Variants in SLC18A1 observed in about 807,000 individuals in gnomAD.
SLC18A1 encodes the protein chromaffin granule amine transporter.
A neutral mutation model predicts 53.7 loss-of-function variants in SLC18A1; 69 were observed. That is an observed-to-expected ratio of 1.28 (90% CI 1.06 to 1.57). The LOEUF (loss-of-function observed/expected upper bound fraction) is 1.57, where lower values mean the gene tolerates loss of function less well. SLC18A1 is among the 40% of genes most tolerant of loss of function. SLC18A1 has a pLI of 0.00. For missense variants in SLC18A1, 932 were observed against 668.1 expected, an observed-to-expected ratio of 1.40 and a Z score of -4.35; for synonymous variants, 320 against 248.1, an observed-to-expected ratio of 1.29 and a Z score of -2.72.
intron 3 of SLC18A1, 42 bp from the exon 4 acceptor site, chr8:20,178,535 G>A (rs1485551963): frequency 7.0e-7 from 1 of 1,426,228 alleles, no homozygotes; most frequent in Non-Finnish European, 9.7e-7. Context: ...ATTCCAACAG[G>A]CACTCACATA....
intron 10 of SLC18A1, among the ~76,000 whole-genome samples, chr8:20,155,923 A>G (rs1488428680): frequency 1.3e-5 from 2 of 152,124 alleles, no homozygotes; most frequent in Non-Finnish European, 2.9e-5. Context: ...AAGGGCCACA[A>G]GTTTGTAAAT....
rs754384781 is a variant in SLC18A1 at position 20,180,823 on chromosome 8, A to G, written c.124+18T>C. On this transcript the variant is annotated intron_variant, in intron 2 of 15. Coordinates refer to ENST00000276373, the MANE Select transcript of SLC18A1 (RefSeq NM_003053.4). ...CCCACAGCAAATTAACCCTCAGCAC[A>G]AAGACCCACAAACGTACCCACCACA... 6.2e-7 allele frequency: 1 copy of G among 1,613,442 alleles called. No homozygotes were observed. Among genetic ancestry groups the G allele is most frequent in the Non-Finnish European group, 8.5e-7 (1 of 1,179,606 alleles).
At chr8:20,172,996 C>T (rs1345391914) in intron 6 of SLC18A1, 40 bp downstream of exon 6, 2 of 1,417,446 alleles carry the variant, frequency 1.4e-6, no homozygotes, top group East Asian at 4.9e-5. Context: ...TCCTAGAGTC[C>T]CACCCTCCCG....
intron 12 of SLC18A1, chr8:20,148,394 C>T: frequency 8.5e-7 from 1 of 1,175,966 alleles, no homozygotes; most frequent in South Asian, 1.3e-5. Context: ...TACTTTCTCC[C>T]CTTCCTCTAC....
chr8:20,176,550 G>A (rs7014452), intron 4 of SLC18A1, among the ~76,000 whole-genome samples: 31,147 of 151,980 alleles, frequency 0.2, 3,338 homozygotes, highest in African/African-American at 0.23. Flanking sequence ...TTTCACTTTG[G>A]ACCCTTTACA....
At position 20,174,402 on chromosome 8, in the gene SLC18A1, C is replaced by G; in HGVS notation, c.590G>C (p.Arg197Pro). Residue 197 changes from arginine to proline, a missense_variant, in exon 5 of 16, where the codon CGA becomes CCA. By Grantham distance (103) the Arg-to-Pro change is moderately radical (BLOSUM62 -2). Coordinates refer to ENST00000276373, the MANE Select transcript of SLC18A1 (RefSeq NM_003053.4). The stretch of plus-strand genomic sequence containing the variant: ...TGAAGATCCAATGCCTTGAAGGGTT[C>G]GGGCCACAAAGAGTAGAGTATAGGT... ...SGTYTLLFVA[R>P]TLQGIGSSFS... 6.2e-7 allele frequency: 1 copy of G among 1,613,912 alleles called. No individual in the cohort carries two copies. Among genetic ancestry groups the G allele is most frequent in the Non-Finnish European group, 8.5e-7 (1 of 1,179,918 alleles).
chr8:20,151,580 G>A (rs372885267), intron 10 of SLC18A1, among the ~76,000 whole-genome samples: 1 of 152,132 alleles, frequency 6.6e-6, no homozygotes. Flanking sequence ...ATATCATACC[G>A]GGTTACAATG....
At chr8:20,153,610 G>A (rs186768770) in intron 10 of SLC18A1, among the ~76,000 whole-genome samples, 13 of 151,840 alleles carry the variant, frequency 8.6e-5, no homozygotes, top group South Asian at 4.2e-4. Flanking sequence ...CCTGAGAGGC[G>A]GAGCTTGCAG....
chr8:20,150,948 G>A, intron 10 of SLC18A1: 1 of 575,864 alleles, frequency 1.7e-6, no homozygotes, highest in African/African-American at 1.9e-5. Flanking sequence ...GCAAGGCTTT[G>A]TTTAGCCTCA....
At chr8:20,165,930 T>C (rs1019684071) in intron 8 of SLC18A1, among the ~76,000 whole-genome samples, 3 of 152,162 alleles carry the variant, frequency 2.0e-5, no homozygotes, top group African/African-American at 4.8e-5. Flanking sequence ...TTGTAATAGA[T>C]TGGATCATTT....
At chr8:20,152,519 G>A (rs1432100930) in intron 10 of SLC18A1, among the ~76,000 whole-genome samples, 2 of 152,108 alleles carry the variant, frequency 1.3e-5, no homozygotes, top group Admixed American at 1.3e-4. Context: ...GAGTGAGGAG[G>A]GGAAGTGAGA....
intron 2 of SLC18A1, 113 bp from the exon 3 acceptor site, chr8:20,179,597 T>G (rs1223818801): frequency 1.5e-6 from 2 of 1,356,258 alleles, no homozygotes; most frequent in East Asian, 2.3e-5. Context: ...GGAGGACAGG[T>G]GATGGGGGCT....
At chr8:20,174,516 G>T (rs2072209239) in intron 4 of SLC18A1, 72 bp from the exon 5 acceptor site, 1 of 954,826 alleles carries the variant, frequency 1.0e-6, no homozygotes, top group Non-Finnish European at 1.7e-6. Flanking sequence ...CAGAGAACAT[G>T]CCCGTGATAC....
rs546977873 is a variant in SLC18A1 at position 20,147,241 on chromosome 8, C to T, written c.1464+17G>A. ...AAACAGAAGTGAATTTCTCTTTTAA[C>T]AGTCGGTGCTCCTTACAAGCTTCTC... is the stretch of plus-strand genomic sequence containing the variant. On this transcript the variant is annotated intron_variant, in intron 15 of 15. Transcript: ENST00000276373. 50 of 1,577,286 alleles carry T rather than the reference C, an allele frequency of 3.2e-5. No homozygotes were observed. The highest frequency in any genetic ancestry group is 2.4e-4 in the South Asian group (20 of 84,358).
rs149044843 is a variant in SLC18A1, at chr8:20,148,759, G to A, written c.1147-689C>T. Among the ~76,000 whole-genome samples, 293 of 152,226 alleles carry A rather than the reference G, an allele frequency of 1.9e-3. 1 individual carries two copies. Among genetic ancestry groups the A allele is most frequent in the Non-Finnish European group, 3.1e-3 (210 of 68,028 alleles). On this transcript the variant is annotated intron_variant, in intron 12 of 15. Coordinates refer to ENST00000276373, the MANE Select transcript of SLC18A1 (RefSeq NM_003053.4). Reference sequence around the variant, plus strand: ...TCACCCCTTAAGGGTTTAGCATACCGTTTAGATGCTGCTGGCTGATAACAA... The same window carrying A: ...TCACCCCTTAAGGGTTTAGCATACCATTTAGATGCTGCTGGCTGATAACAA...
At chr8:20,180,190 C>T (rs1033513671) in intron 2 of SLC18A1, among the ~76,000 whole-genome samples, 10 of 149,628 alleles carry the variant, frequency 6.7e-5, no homozygotes, top group African/African-American at 1.7e-4. Flanking sequence ...GTGTTTGCAG[C>T]GACTTTATAG....
intron 2 of SLC18A1, 149 bp from the exon 3 acceptor site, chr8:20,179,633 C>G (rs2072367694): frequency 2.7e-6 from 3 of 1,129,736 alleles, no homozygotes; most frequent in Admixed American, 2.3e-5. Flanking sequence ...CTTACCACTA[C>G]TAGGATCAGG....
chr8:20,160,598 C>T (rs1395389343), intron 10 of SLC18A1, among the ~76,000 whole-genome samples: 1 of 152,076 alleles, frequency 6.6e-6, no homozygotes, highest in Non-Finnish European at 1.5e-5. Context: ...ATTCCACGCA[C>T]TGGGCTAATC....
chr8:20,159,926 A>G (rs1475259015), intron 10 of SLC18A1, among the ~76,000 whole-genome samples: 1 of 152,118 alleles, frequency 6.6e-6, no homozygotes, highest in Non-Finnish European at 1.5e-5. Context: ...GGTAGCACAG[A>G]TGGCTCTGGT....
Sources: allele counts gnomAD v4.1 joint callset (sites outside exome capture counted in the v4.1 genomes callset), GRCh38; gene constraint gnomAD v4.1.1; transcripts MANE v1.5; gene names NCBI Gene and HGNC (gene_info 2026-07-23, HGNC 2026-07-21).